Variants in FOLH1 observed in about 807,000 individuals in gnomAD.
The protein encoded by FOLH1 is folate hydrolase 1.
Under a neutral mutation model 93.9 loss-of-function variants are expected in FOLH1, and 54 were observed. That is an observed-to-expected ratio of 0.57 (90% CI 0.46 to 0.72). FOLH1 has a LOEUF of 0.72. Among genes scored for constraint, FOLH1 ranks in the 30% least tolerant of loss-of-function variants. The probability of loss-of-function intolerance (pLI) is 0.00; values close to 1 mark genes in which losing one functional copy is unlikely to be tolerated. For missense variants in FOLH1, 571 were observed against 892.5 expected, an observed-to-expected ratio of 0.64 and a Z score of 4.59; for synonymous variants, 249 against 303.6, an observed-to-expected ratio of 0.82 and a Z score of 1.87.
intron 13 of FOLH1, among the ~76,000 whole-genome samples, chr11:49,159,894 C>A (rs935534586): frequency 1.3e-5 from 2 of 149,250 alleles, no homozygotes; most frequent in East Asian, 2.0e-4. Context: ...CCTTTTTTTT[C>A]TTTTTCCTTT....
At chr11:49,156,945 C>T (rs1857103275) in intron 14 of FOLH1, 138 bp from the exon 15 acceptor site, 30 of 1,418,740 alleles carry the variant, frequency 2.1e-5, no homozygotes, top group Non-Finnish European at 2.7e-5. Context: ...GCAGCAAAAA[C>T]ATGAAAAGAA....
intron 7 of FOLH1, among the ~76,000 whole-genome samples, chr11:49,181,060 G>A (rs1860667482): frequency 6.6e-6 from 1 of 151,462 alleles, no homozygotes; most frequent in East Asian, 1.9e-4. Flanking sequence ...ATAATATTAT[G>A]CATCCCTCTT....
intron 3 of FOLH1, among the ~76,000 whole-genome samples, chr11:49,200,017 TA>T (rs1863096736): frequency 6.6e-6 from 1 of 152,096 alleles, no homozygotes; most frequent in Admixed American, 6.6e-5. Context: ...TACTAAAAAC[TA>T]AAAAACAGCA....
chr11:49,156,864 T>G, intron 14 of FOLH1, 57 bp from the exon 15 acceptor site: 1 of 1,603,426 alleles, frequency 6.2e-7, no homozygotes, highest in Non-Finnish European at 8.5e-7. Context: ...TAAGCACAGA[T>G]TACATGTCCA....
intron 12 of FOLH1, among the ~76,000 whole-genome samples, chr11:49,168,608 T>C (rs1858757835): frequency 6.6e-6 from 1 of 152,138 alleles, no homozygotes; most frequent in African/African-American, 2.4e-5. Flanking sequence ...GTATATTATC[T>C]ATACTGAGTG....
intron 13 of FOLH1, 115 bp downstream of exon 13, chr11:49,164,590 T>C (rs1858132753): frequency 1.5e-6 from 1 of 681,950 alleles, no homozygotes. Flanking sequence ...ATGTCATATA[T>C]GTTATATGAA....
At chr11:49,150,452 C>T (rs1293158779) in intron 17 of FOLH1, among the ~76,000 whole-genome samples, 1 of 152,056 alleles carries the variant, frequency 6.6e-6, no homozygotes, top group Non-Finnish European at 1.5e-5. Flanking sequence ...ATTTTCTTCA[C>T]CTTAGGTATC....
At chr11:49,196,251 CAAT>C (rs1373871932) in intron 3 of FOLH1, among the ~76,000 whole-genome samples, 2 of 151,970 alleles carry the variant, frequency 1.3e-5, no homozygotes, top group South Asian at 2.1e-4. Flanking sequence ...ATATGACAAA[CAAT>C]AAAGTCATTT....
rs1447481942 is a variant in FOLH1 at position 49,171,344 on chromosome 11, C to T, written c.1226-67G>A. On this transcript the variant is annotated intron_variant, in intron 10 of 18. Transcript: ENST00000256999. The stretch of plus-strand genomic sequence containing the variant: ...ATAATATACCCAGGACACTACCAAG[C>T]CCAGATTGGAAAAAAAAAAAAAAAA... The T allele has an allele frequency of 7.7e-6, 11 of 1,424,822 alleles. No homozygotes were observed. In the South Asian group the frequency reaches 1.3e-4, roughly 17 times the overall value. The allele number at this position is 1,424,822 out of a possible 1,614,324, so 88.3% of individuals were successfully genotyped here. A position where few individuals can be genotyped will look rare whatever the true frequency, so the allele number is the denominator to read the frequency against.
intron 3 of FOLH1, among the ~76,000 whole-genome samples, chr11:49,197,445 G>A (rs986606808): frequency 6.6e-6 from 1 of 152,076 alleles, no homozygotes; most frequent in African/African-American, 2.4e-5. Flanking sequence ...AACAATATTA[G>A]TTTATAATTT....
intron 12 of FOLH1, among the ~76,000 whole-genome samples, chr11:49,165,388 A>G (rs1303013358): frequency 3.9e-5 from 6 of 152,210 alleles, no homozygotes; most frequent in Non-Finnish European, 8.8e-5. Context: ...TGTTGTAACA[A>G]TGAATTTGTG....
Position 49,145,354 on chromosome 11 carries a change from G to A in FOLH1, c.*1402C>T, listed in dbSNP as rs1186916148. 6.6e-6 allele frequency among the ~76,000 whole-genome samples: 1 copy of A among 152,110 alleles called. No homozygotes were observed. Among genetic ancestry groups the A allele is most frequent in the African/African-American group, 2.4e-5 (1 of 41,424 alleles). Reference sequence around the variant, plus strand: ...TGACATCTCCAGCATCTGACACGGAGGGCATACAGAGCTACACCAGTGCCC... The same window carrying A: ...TGACATCTCCAGCATCTGACACGGAAGGCATACAGAGCTACACCAGTGCCC... On this transcript the variant is annotated 3_prime_UTR_variant, in exon 19 of 19. Transcript: ENST00000256999.
chr11:49,154,336 G>A lies in FOLH1; in HGVS notation c.1780C>T (p.Pro594Ser). Residue 594 changes from proline to serine, a missense_variant, in exon 16 of 19, where the codon CCT becomes TCT. This residue lies in a region of FOLH1 where 500 missense variants were observed against 822.9 expected (regional missense o/e 0.61). Coordinates refer to ENST00000256999, the MANE Select transcript of FOLH1 (RefSeq NM_004476.3). ...ACAGCATAATCTCGACAATCAAAAG[G>A]GAGCACTATGGAATTGGCTAGCTCA... ...VFELANSIVL[P>S]FDCRDYAVVL... The A allele has an allele frequency of 6.2e-7, 1 of 1,613,316 alleles. No homozygotes were observed. Among genetic ancestry groups the A allele is most frequent in the South Asian group, 1.1e-5 (1 of 91,056 alleles).
intron 7 of FOLH1, among the ~76,000 whole-genome samples, chr11:49,176,454 A>T (rs1860051519): frequency 6.6e-6 from 1 of 152,218 alleles, no homozygotes; most frequent in South Asian, 2.1e-4. Context: ...GCTATTTTTT[A>T]AAATTCAGAA....
chr11:49,164,042 T>C (rs1049974151), intron 13 of FOLH1, among the ~76,000 whole-genome samples: 11 of 152,212 alleles, frequency 7.2e-5, no homozygotes, highest in Admixed American at 2.6e-4. Context: ...TGTGAGTATC[T>C]GCTCGTTTCA....
chr11:49,166,786 C>T (rs982693174), intron 12 of FOLH1, among the ~76,000 whole-genome samples: 33 of 152,106 alleles, frequency 2.2e-4, no homozygotes, highest in African/African-American at 8.0e-4. Context: ...GTCCTTTGTT[C>T]TCGATTTTGA....
At position 49,175,923 on chromosome 11, in the gene FOLH1, A is replaced by T. The variant is rs1859949555; in HGVS notation, c.955T>A (p.Trp319Arg). Residue 319 changes from tryptophan (W) to arginine (R), a missense_variant, in exon 8 of 19, where the codon TGG (tryptophan) becomes AGG (arginine). Physicochemically the swap from Trp to Arg is moderately radical, Grantham distance 101 (BLOSUM62 -3). Coordinates refer to ENST00000256999, the MANE Select transcript of FOLH1 (RefSeq NM_004476.3). ...MGGSAPPDSS[W>R]RGSLKVPYNV... ...TAGGGCACTTTGAGACTTCCTCTCCAGCTGCTATCTGGTGGTGCTGAGCCA... is the reference window on the plus strand; with the variant it reads ...TAGGGCACTTTGAGACTTCCTCTCCTGCTGCTATCTGGTGGTGCTGAGCCA... 6.2e-7 allele frequency: 1 copy of T among 1,613,836 alleles called. No homozygotes were observed. Among genetic ancestry groups the T allele is most frequent in the Non-Finnish European group, 8.5e-7 (1 of 1,179,784 alleles).
At chr11:49,175,374 G>A (rs1383429830) in intron 8 of FOLH1, among the ~76,000 whole-genome samples, 1 of 152,126 alleles carries the variant, frequency 6.6e-6, no homozygotes, top group Non-Finnish European at 1.5e-5. Flanking sequence ...TTGTGACAAA[G>A]CCTGTGCAGA....
At chr11:49,160,013 C>T (rs1179725061) in intron 13 of FOLH1, among the ~76,000 whole-genome samples, 1 of 151,974 alleles carries the variant, frequency 6.6e-6, no homozygotes, top group African/African-American at 2.4e-5. Flanking sequence ...ACCTCGTTCA[C>T]GCAATTCTCC....
Sources: gnomAD v4.1 joint callset for allele counts (sites outside exome capture counted in the v4.1 genomes callset) on GRCh38, gnomAD v4.1.1 for gene constraint, gnomAD v4.1.1 regional missense constraint, MANE v1.5 for transcripts, NCBI Gene and HGNC (gene_info 2026-07-23, HGNC 2026-07-21) for gene names.